LRP8: variants seen among roughly 807,000 people sequenced by gnomAD.
LRP8 encodes low-density lipoprotein receptor-related protein 8.
LRP8 carries 46 observed loss-of-function variants against 111.6 expected under a neutral mutation model. That is an observed-to-expected ratio of 0.41 (90% CI 0.33 to 0.53). The LOEUF (loss-of-function observed/expected upper bound fraction) is 0.53. Ranked by LOEUF, LRP8 falls within the 20% of genes least tolerant of loss-of-function variation. The pLI is 0.20. For synonymous variants in LRP8, 464 were observed against 511.2 expected, an observed-to-expected ratio of 0.91 and a Z score of 1.24; for missense variants, 959 against 1,297.4, an observed-to-expected ratio of 0.74 and a Z score of 4.01.
At chr1:53,270,924 T>G in intron 8 of LRP8, 104 bp downstream of exon 8, 1 of 1,536,796 alleles carries the variant, frequency 6.5e-7, no homozygotes, top group Non-Finnish European at 8.9e-7. Flanking sequence ...ACAACCTGCC[T>G]TCTTGTGTGT....
chr1:53,272,752 GC>G, intron 6 of LRP8: 1 of 906,716 alleles, frequency 1.1e-6, no homozygotes, highest in African/African-American at 1.7e-5. Context: ...AGCCACGGCA[GC>G]TCCCACCTCT....
intron 2 of LRP8, among the ~76,000 whole-genome samples, chr1:53,310,466 G>A (rs1557857240): frequency 6.6e-6 from 1 of 152,228 alleles, no homozygotes; most frequent in Non-Finnish European, 1.5e-5. Flanking sequence ...ACAGGCTGAT[G>A]TGAATGGAAT....
intron 1 of LRP8, chr1:53,327,211 TAA>T: frequency 3.3e-6 from 2 of 599,566 alleles, no homozygotes; most frequent in Non-Finnish European, 5.8e-6. Flanking sequence ...GGCACCTACT[TAA>T]AGTGTCACAC....
intron 8 of LRP8, chr1:53,268,304 CCT>C (rs1289951966): frequency 6.6e-6 from 1 of 152,126 alleles, no homozygotes; most frequent in African/African-American, 2.4e-5. Flanking sequence ...ACAGGAACCC[CCT>C]GTGTTTATGA....
Position 53,280,619 on chromosome 1 carries a change from TC to T in LRP8, c.463del (p.Glu155ArgfsTer183). The T allele has an allele frequency of 6.2e-7, 1 of 1,613,292 alleles. No homozygotes were observed. The highest frequency in any genetic ancestry group is 8.5e-7 in the Non-Finnish European group (1 of 1,180,022). On this transcript the variant is annotated frameshift_variant, in exon 4 of 19. Coordinates refer to ENST00000306052, the MANE Select transcript of LRP8 (RefSeq NM_004631.5). LOFTEE classifies it high-confidence loss of function. ...ACAGCCGGCCTCATCCGCTCCACCCTCGCAGTCCTTCTCCCCGTCGCAGCGC... is the reference window on the plus strand; with the variant it reads ...ACAGCCGGCCTCATCCGCTCCACCCTGCAGTCCTTCTCCCCGTCGCAGCGC... ...SWRCDGEKDC[E>X]GGADEAGCAT...
intron 2 of LRP8, among the ~76,000 whole-genome samples, chr1:53,311,771 G>A (rs544820380): frequency 1.6e-4 from 24 of 152,290 alleles, no homozygotes; most frequent in African/African-American, 5.3e-4. Context: ...ACCACCACAC[G>A]CCACGGCCAC....
intron 5 of LRP8, among the ~76,000 whole-genome samples, 197 bp downstream of exon 5, chr1:53,276,495 G>A (rs982387526): frequency 6.6e-6 from 1 of 152,168 alleles, no homozygotes; most frequent in African/African-American, 2.4e-5. Flanking sequence ...TCTGGAGTTA[G>A]ACCTGAGCTC....
intron 4 of LRP8, among the ~76,000 whole-genome samples, chr1:53,278,345 C>T (rs927952861): frequency 2.6e-5 from 4 of 152,338 alleles, no homozygotes; most frequent in Non-Finnish European, 4.4e-5. Flanking sequence ...GGGTAGGCCC[C>T]GGTGGGGCAC....
chr1:53,324,394 C>T (rs1004603842), intron 2 of LRP8, among the ~76,000 whole-genome samples: 4 of 152,152 alleles, frequency 2.6e-5, no homozygotes, highest in Non-Finnish European at 4.4e-5. Flanking sequence ...ACCAGGAGTC[C>T]GTTTCTAAAG....
At chr1:53,300,972 G>A (rs955174714) in intron 2 of LRP8, among the ~76,000 whole-genome samples, 1 of 152,226 alleles carries the variant, frequency 6.6e-6, no homozygotes, top group Admixed American at 6.5e-5. Context: ...GGCCTGCCTG[G>A]GTTACCTCAC....
chr1:53,249,694 C>A lies in LRP8; in HGVS notation c.2677-138G>T. ...AGCCATGCTGTGTTGTACCTTCAAG[C>A]CTTTGCACATGCCTCTATCTGGAAT... On this transcript the variant is annotated intron_variant, in intron 17 of 18. Coordinates refer to ENST00000306052, the MANE Select transcript of LRP8 (RefSeq NM_004631.5). The surrounding 1 kb of genome is among the most constrained non-coding windows in gnomAD (Gnocchi z 4.1). 1 of 1,246,252 alleles carries A rather than the reference C, an allele frequency of 8.0e-7. No homozygotes were observed. 77.2% of individuals were successfully genotyped at this position (1,246,252 alleles called of 1,614,324 possible).
chr1:53,291,495 C>T (rs1310321122), intron 2 of LRP8, among the ~76,000 whole-genome samples: 2 of 152,118 alleles, frequency 1.3e-5, no homozygotes, highest in African/African-American at 4.8e-5. Flanking sequence ...GCTTTTTATA[C>T]CATCATACCT....
chr1:53,290,062 C>T, intron 2 of LRP8, among the ~76,000 whole-genome samples: 1 of 152,054 alleles, frequency 6.6e-6, no homozygotes, highest in African/African-American at 2.4e-5. Flanking sequence ...CTGCCTGTCC[C>T]ACTTTCCCCA....
chr1:53,270,799 G>T (rs969196227), intron 8 of LRP8, among the ~76,000 whole-genome samples: 1 of 152,176 alleles, frequency 6.6e-6, no homozygotes, highest in Admixed American at 6.5e-5. Flanking sequence ...TCCTGTCTTA[G>T]ATTGTACTCT....
rs1655205716 is a variant in LRP8, at chr1:53,326,911, T to C, written c.206A>G (p.Asp69Gly). Residue 69 changes from aspartate to glycine, a missense_variant, in exon 2 of 19, where the codon GAC becomes GGC. Around this residue, in one of 3 missense-constraint regions of LRP8, gnomAD observed 97 missense variants for 107.5 expected, o/e 0.90. Coordinates refer to ENST00000306052, the MANE Select transcript of LRP8 (RefSeq NM_004631.5). ...GTCGCTGTGGTCTAAGCAGTCATCG[T>C]CCTCGTCGCATCTCCACACAGAGGG... ...CIPSVWRCDEDDDCLDHSDED... is the reference protein window; with the variant it reads ...CIPSVWRCDEGDDCLDHSDED... 2 of 1,613,802 alleles carry C rather than the reference T, an allele frequency of 1.2e-6. No homozygotes were observed. Among genetic ancestry groups the C allele is most frequent in the Non-Finnish European group, 8.5e-7 (1 of 1,179,992 alleles).
chr1:53,313,198 G>A (rs78633020), intron 2 of LRP8, among the ~76,000 whole-genome samples: 1 of 152,306 alleles, frequency 6.6e-6, no homozygotes, highest in East Asian at 1.9e-4. Context: ...CCCAGGGCGT[G>A]GCCTGCTTTC....
At chr1:53,306,546 C>A (rs1003451220) in intron 2 of LRP8, among the ~76,000 whole-genome samples, 3 of 152,240 alleles carry the variant, frequency 2.0e-5, no homozygotes, top group South Asian at 2.1e-4. Flanking sequence ...GCCACTCCCC[C>A]TCTCTGGGCC....
chr1:53,247,227 T>C (rs1313144456), intron 18 of LRP8, among the ~76,000 whole-genome samples, 171 bp from the exon 19 acceptor site: 2 of 152,202 alleles, frequency 1.3e-5, no homozygotes, highest in Non-Finnish European at 2.9e-5. Context: ...GAAACAAAAC[T>C]CAATGAGCTT....
Position 53,266,771 on chromosome 1 carries a change from C to G in LRP8, c.1253-124G>C. 1 of 811,984 alleles carries G rather than the reference C, an allele frequency of 1.2e-6. No homozygotes were observed. 50.3% of individuals were successfully genotyped at this position (811,984 alleles called of 1,614,324 possible). A position where few individuals can be genotyped will look rare whatever the true frequency, so the allele number is the denominator to read the frequency against. ...TTTCCTTAAAATAGTAGTGACAATTCCTACTTTACAGGTTGCAGGAGCAGA... is the reference window on the plus strand; with the variant it reads ...TTTCCTTAAAATAGTAGTGACAATTGCTACTTTACAGGTTGCAGGAGCAGA... On this transcript the variant is annotated intron_variant, in intron 8 of 18. Coordinates refer to ENST00000306052, the MANE Select transcript of LRP8 (RefSeq NM_004631.5). This position sits in a 1 kb window ranked among gnomAD's most constrained non-coding sequence, Gnocchi z 5.0.
Sources: gnomAD v4.1 joint callset for allele counts (sites outside exome capture counted in the v4.1 genomes callset) on GRCh38, gnomAD v4.1.1 for gene constraint, gnomAD v4.1.1 regional missense constraint, Gnocchi (gnomAD v3.1) non-coding constraint, MANE v1.5 for transcripts, NCBI Gene and HGNC (gene_info 2026-07-23, HGNC 2026-07-21) for gene names.